OCEL1: variants seen among roughly 807,000 people sequenced by gnomAD.
OCEL1 encodes occludin/ELL domain containing 1, also known as occludin/ELL domain-containing protein 1.
In OCEL1, 24 loss-of-function variants were observed where a neutral mutation model predicts 29.4. That is an observed-to-expected ratio of 0.82 (90% CI 0.59 to 1.15). The LOEUF (loss-of-function observed/expected upper bound fraction) is 1.15. Among genes scored for constraint, OCEL1 ranks in the 50% most tolerant of loss-of-function variants. OCEL1 has a pLI of 0.00. For synonymous variants in OCEL1, 172 were observed against 145.3 expected (o/e 1.18, Z -1.32); for missense variants, 402 against 352.5 (o/e 1.14, Z -1.13).
In OCEL1 at chr19:17,227,893, TC is replaced by T. The variant is rs1394149871; in HGVS notation, c.508del (p.Gln170ArgfsTer28). The T allele has an allele frequency of 6.2e-6, 10 of 1,613,922 alleles. No individual in the cohort carries two copies. The highest frequency in any genetic ancestry group is 8.5e-6 in the Non-Finnish European group (10 of 1,180,018). ...GAACGGAGCCGCTATGTCGCAGTGT[TC>T]CAGGACCAGTACGGAGAGTTCTTGG... is the stretch of plus-strand genomic sequence containing the variant. ...ERERSRYVAV[F>X]QDQYGEFLEL... On this transcript the variant is annotated frameshift_variant, in exon 4 of 6. Transcript: ENST00000215061. LOFTEE classifies it high-confidence loss of function.
intron 1 of OCEL1, 164 bp downstream of exon 1, chr19:17,226,480 A>T: frequency 1.1e-6 from 1 of 949,544 alleles, no homozygotes; most frequent in South Asian, 1.7e-5. Context: ...GCGACGTCAG[A>T]GTTCATTTAC....
Position 17,228,863 on chromosome 19 carries a change from C to G in OCEL1, c.733C>G (p.Leu245Val). The change falls in exon 6 of 6, where the codon CTC becomes GTC. Residue 245 changes from leucine to valine, a missense_variant. Physicochemically the swap from Leu to Val is conservative, Grantham distance 32. Transcript: ENST00000215061. The part of the protein sequence containing the change: ...CHYLKGKLRH[L>V]KTQIQKFDDQ... ...CTACCTGAAGGGTAAACTGAGGCATCTCAAGACTCAGATCCAGAAATTCGA... is the reference window on the plus strand; with the variant it reads ...CTACCTGAAGGGTAAACTGAGGCATGTCAAGACTCAGATCCAGAAATTCGA... 6.2e-7 allele frequency: 1 copy of G among 1,613,970 alleles called. No individual in the cohort carries two copies. Among genetic ancestry groups the G allele is most frequent in the Non-Finnish European group, 8.5e-7 (1 of 1,179,970 alleles).
Position 17,226,991 on chromosome 19 carries a change from C to A in OCEL1, c.247-3C>A. On this transcript the variant is annotated splice_region_variant and splice_polypyrimidine_tract_variant and intron_variant, in intron 2 of 5. Coordinates refer to ENST00000215061, the MANE Select transcript of OCEL1 (RefSeq NM_024578.3). ...TAACTCCAGACCACGATTCCTGTGG[C>A]AGCTGCAGGGACTGGCGCCCCGAGG... 1 of 1,574,510 alleles carries A rather than the reference C, an allele frequency of 6.4e-7. No homozygotes were observed. Among genetic ancestry groups the A allele is most frequent in the Non-Finnish European group, 8.6e-7 (1 of 1,166,184 alleles).
chr19:17,227,963 G>A lies in OCEL1; in HGVS notation c.576G>A (p.Gln192=). The A allele has an allele frequency of 1.2e-6, 2 of 1,612,818 alleles. No homozygotes were observed. Among genetic ancestry groups the A allele is most frequent in the Non-Finnish European group, 1.7e-6 (2 of 1,180,008 alleles). Residue 192 remains glutamine, a synonymous_variant, in exon 4 of 6, where the codon CAG becomes CAA. Transcript: ENST00000215061. ...EVGCAQAKLR[Q]LEALLSSLPP... ...GGTGTGCACAGGCAAAGCTCAGGCA[G>A]CTGGAGGCCCTGCTGAGCTCCCTGC...
chr19:17,226,582 G>T (rs1192612346), intron 1 of OCEL1, 111 bp from the exon 2 acceptor site: 11 of 1,215,158 alleles, frequency 9.1e-6, no homozygotes, highest in Non-Finnish European at 1.2e-5. Flanking sequence ...GGTCGTTCTG[G>T]GGAACTCTGC....
intron 3 of OCEL1, among the ~76,000 whole-genome samples, chr19:17,227,473 C>T (rs1473809048): frequency 6.6e-6 from 1 of 152,058 alleles, no homozygotes; most frequent in African/African-American, 2.4e-5. Flanking sequence ...GGCGGATCAC[C>T]TGAGGTCAGG....
chr19:17,226,485 ATT>A, intron 1 of OCEL1, 169 bp downstream of exon 1: 1 of 931,166 alleles, frequency 1.1e-6, no homozygotes, highest in African/African-American at 1.7e-5. Flanking sequence ...GTCAGAGTTC[ATT>A]TACATAGCGC....
At chr19:17,226,532 A>G (rs557948405) in intron 1 of OCEL1, 161 bp from the exon 2 acceptor site, 15 of 927,226 alleles carry the variant, frequency 1.6e-5, no homozygotes, top group East Asian at 8.0e-5. Context: ...CGGGGTCTGG[A>G]CGTCGCTGCG....
At chr19:17,226,642 C>G in intron 1 of OCEL1, 51 bp from the exon 2 acceptor site, 1 of 1,421,716 alleles carries the variant, frequency 7.0e-7, no homozygotes, top group Non-Finnish European at 9.2e-7. Context: ...CCCGCGCGTC[C>G]TTTCTCCGTG....
chr19:17,226,346 C>T (rs1187881650), intron 1 of OCEL1, 30 bp downstream of exon 1: 1 of 1,604,562 alleles, frequency 6.2e-7, no homozygotes. Context: ...AGCCGGACGG[C>T]CTTGCAGGTG....
rs763816326 is a variant in OCEL1, at chr19:17,227,886, G to T, written c.499G>T (p.Ala167Ser). Residue 167 changes from alanine (A) to serine (S), a missense_variant, in exon 4 of 6, where the codon GCA (alanine) becomes TCA (serine). Coordinates refer to ENST00000215061, the MANE Select transcript of OCEL1 (RefSeq NM_024578.3). Reference sequence around the variant, plus strand: ...TGAGAGGGAACGGAGCCGCTATGTCGCAGTGTTCCAGGACCAGTACGGAGA... The same window carrying T: ...TGAGAGGGAACGGAGCCGCTATGTCTCAGTGTTCCAGGACCAGTACGGAGA... ...SSERERSRYVAVFQDQYGEFL... is the reference protein window; with the variant it reads ...SSERERSRYVSVFQDQYGEFL... 2.5e-5 allele frequency: 41 copies of T among 1,613,894 alleles called. No homozygotes were observed. The highest frequency in any genetic ancestry group is 3.5e-5 in the Non-Finnish European group (41 of 1,180,014).
chr19:17,228,743 A>G (rs1201652927), intron 5 of OCEL1, 60 bp from the exon 6 acceptor site: 6 of 1,581,046 alleles, frequency 3.8e-6, no homozygotes, highest in East Asian at 2.3e-5. Flanking sequence ...CAGAGAGTTA[A>G]GCAGCTTGAA....
Position 17,226,973 on chromosome 19 carries a change from AGACCACGATTCCTGTGGCAGCTGCAGG to A in OCEL1, c.247-17_256del. ...TTTCCCGACACCCCGATTTAACTCC[AGACCACGATTCCTGTGGCAGCTGCAGG>A]GACTGGCGCCCCGAGGCCTCAAAAC... On this transcript the variant is annotated splice_acceptor_variant and splice_polypyrimidine_tract_variant and coding_sequence_variant and intron_variant, in exon 3 of 6. Coordinates refer to ENST00000215061, the MANE Select transcript of OCEL1 (RefSeq NM_024578.3). LOFTEE classifies it high-confidence loss of function. 6.4e-7 allele frequency: 1 copy of A among 1,563,392 alleles called. No individual in the cohort carries two copies. Among genetic ancestry groups the A allele is most frequent in the Non-Finnish European group, 8.6e-7 (1 of 1,160,474 alleles).
intron 4 of OCEL1, 53 bp downstream of exon 4, chr19:17,228,058 C>T: frequency 6.3e-7 from 1 of 1,594,662 alleles, no homozygotes; most frequent in Non-Finnish European, 8.5e-7. Flanking sequence ...TGGCCCGACC[C>T]AAGCCTCTGG....
intron 4 of OCEL1, 87 bp from the exon 5 acceptor site, chr19:17,228,169 G>T: frequency 4.5e-6 from 7 of 1,543,946 alleles, no homozygotes; most frequent in Non-Finnish European, 6.3e-6. Flanking sequence ...CCACTAGATG[G>T]GCATTTAGTC....
intron 4 of OCEL1, 79 bp downstream of exon 4, chr19:17,228,084 C>T: frequency 1.3e-6 from 2 of 1,566,898 alleles, no homozygotes; most frequent in Non-Finnish European, 1.7e-6. Flanking sequence ...CCACTGGGTC[C>T]AGATTTCCAG....
At chr19:17,228,230 C>T (rs1260617733) in intron 4 of OCEL1, 26 bp from the exon 5 acceptor site, 1 of 1,613,630 alleles carries the variant, frequency 6.2e-7, no homozygotes, top group Non-Finnish European at 8.5e-7. Flanking sequence ...TCTCCCTAAA[C>T]CCCCTTTCTA....
chr19:17,226,910 G>A (rs2073366611), intron 2 of OCEL1, 41 bp downstream of exon 2: 2 of 1,514,762 alleles, frequency 1.3e-6, no homozygotes, highest in Non-Finnish European at 1.8e-6. Flanking sequence ...CGGGCCTCTA[G>A]GCAAAAGATT....
intron 1 of OCEL1, 89 bp downstream of exon 1, chr19:17,226,405 G>T: frequency 6.8e-7 from 1 of 1,472,860 alleles, no homozygotes; most frequent in East Asian, 2.4e-5. Flanking sequence ...TGTGGGCTCT[G>T]CGCGCCCTGG....
Sources: allele counts gnomAD v4.1 joint callset (sites outside exome capture counted in the v4.1 genomes callset), GRCh38; gene constraint gnomAD v4.1.1; transcripts MANE v1.5; gene names NCBI Gene and HGNC (gene_info 2026-07-23, HGNC 2026-07-21).